Variants in PILRA observed in about 807,000 individuals in gnomAD.
PILRA encodes paired immunoglobin like type 2 receptor alpha, also known as paired immunoglobulin-like type 2 receptor alpha.
PILRA carries 37 observed loss-of-function variants against 33.1 expected under a neutral mutation model. The ratio of observed to expected loss-of-function variants is 1.12; its 90% CI spans 0.86 to 1.47. The LOEUF is 1.47. PILRA is among the 40% of genes most tolerant of loss of function. The probability of loss-of-function intolerance (pLI) is 0.00; values close to 1 mark genes in which losing one functional copy is unlikely to be tolerated. For synonymous variants in PILRA, 146 were observed against 149.9 expected, an observed-to-expected ratio of 0.97 and a Z score of 0.19; for missense variants, 312 against 376.2, an observed-to-expected ratio of 0.83 and a Z score of 1.41.
intron 2 of PILRA, among the ~76,000 whole-genome samples, chr7:100,385,733 G>C (rs777420549): frequency 6.6e-6 from 1 of 152,048 alleles, no homozygotes; most frequent in Non-Finnish European, 1.5e-5. Flanking sequence ...GGGTTCATGC[G>C]ATTCTCCTGC....
chr7:100,374,717 C>A, intron 2 of PILRA: 1 of 491,320 alleles, frequency 2.0e-6, no homozygotes, highest in Non-Finnish European at 3.7e-6. Flanking sequence ...CTCTAATTAT[C>A]CTTCATTCTT....
chr7:100,375,600 C>T (rs571281651), intron 2 of PILRA, among the ~76,000 whole-genome samples: 4 of 152,134 alleles, frequency 2.6e-5, no homozygotes, highest in African/African-American at 4.8e-5. Context: ...GGTGTGGTGG[C>T]GCATGCCTGT....
intron 4 of PILRA, among the ~76,000 whole-genome samples, chr7:100,398,975 T>C (rs1470190234): frequency 6.6e-6 from 1 of 151,754 alleles, no homozygotes; most frequent in East Asian, 1.9e-4. Context: ...AGGGTATCGC[T>C]CTGTCACCCA....
At chr7:100,374,992 T>A (rs1790913071) in intron 2 of PILRA, among the ~76,000 whole-genome samples, 1 of 151,966 alleles carries the variant, frequency 6.6e-6, no homozygotes, top group Non-Finnish European at 1.5e-5. Context: ...CACTTCCTTC[T>A]CCCCCTCTGC....
At chr7:100,388,899 CG>C (rs1210060328) in intron 2 of PILRA, among the ~76,000 whole-genome samples, 1 of 151,544 alleles carries the variant, frequency 6.6e-6, no homozygotes, top group Non-Finnish European at 1.5e-5. Context: ...TTGTTTAACA[CG>C]TGAAATGTTT....
Position 100,400,064 on chromosome 7 carries a change from T to A in PILRA, c.*157T>A. Reference sequence around the variant, plus strand: ...GCGAGATGCCATCTCTAGTTAAAAATATATATTAACAATAAAGTAACAAAT... The same window carrying A: ...GCGAGATGCCATCTCTAGTTAAAAAAATATATTAACAATAAAGTAACAAAT... On this transcript the variant is annotated 3_prime_UTR_variant, in exon 7 of 7. Transcript: ENST00000198536. 1 of 575,772 alleles carries A rather than the reference T, an allele frequency of 1.7e-6. No individual in the cohort carries two copies. The highest frequency in any genetic ancestry group is 2.8e-6 in the Non-Finnish European group (1 of 360,242). The allele number at this position is 575,772 out of a possible 1,614,324, so 35.7% of individuals were successfully genotyped here. A position where few individuals can be genotyped will look rare whatever the true frequency, so the allele number is the denominator to read the frequency against.
intron 2 of PILRA, among the ~76,000 whole-genome samples, chr7:100,388,335 G>T (rs1791299970): frequency 1.3e-5 from 2 of 152,024 alleles, no homozygotes; most frequent in Admixed American, 6.6e-5. Context: ...CTATAAAGAA[G>T]GTGTAACTTG....
rs149490859 is a variant in PILRA at position 100,398,353 on chromosome 7, G to A, written c.707+441G>A. On this transcript the variant is annotated intron_variant, in intron 4 of 6. Coordinates refer to ENST00000198536, the MANE Select transcript of PILRA (RefSeq NM_013439.3). The stretch of plus-strand genomic sequence containing the variant: ...TCCTCTGCCTCCAGCTCCTCTCCCC[G>A]CCTGTGTTTGCTCAGGAGGGACTCA... Among the ~76,000 whole-genome samples, 826 of 152,170 alleles carry A rather than the reference G, an allele frequency of 5.4e-3. 4 individuals are homozygous for A. The highest frequency in any genetic ancestry group is 0.024 in the Middle Eastern group (7 of 294).
At chr7:100,378,267 G>A (rs535021449) in intron 2 of PILRA, among the ~76,000 whole-genome samples, 18 of 152,022 alleles carry the variant, frequency 1.2e-4, no homozygotes, top group Admixed American at 3.9e-4. Flanking sequence ...CAGGAGGATC[G>A]CTTGAGGCCA....
rs542678245 is a variant in PILRA, at chr7:100,391,381, A to T, written c.673+1275A>T. On this transcript the variant is annotated intron_variant, in intron 3 of 6. Transcript: ENST00000198536. ...TAAATATAAAAATAATTTAAAAAAA[A>T]TTTTTTATAAATGACACTTGGTTGG... Among the ~76,000 whole-genome samples the T allele has an allele frequency of 2.0e-3, 299 of 151,892 alleles. 2 individuals are homozygous for T. The highest frequency in any genetic ancestry group is 6.1e-3 in the African/African-American group (251 of 41,440).
chr7:100,383,256 A>T lies in PILRA; in HGVS notation c.455-6632A>T, dbSNP rs543890385. ...AGCAAGAGACGGGAGCCCAGAGAAG[A>T]CAGAAATGTGTAGAGAGGAACTGTG... On this transcript the variant is annotated intron_variant, in intron 2 of 6. Transcript: ENST00000198536. 9.8e-4 allele frequency among the ~76,000 whole-genome samples: 149 copies of T among 152,214 alleles called. No homozygotes were observed. The Middle Eastern group carries it at 0.01, about 10-fold the overall frequency.
At chr7:100,374,843 G>C (rs1340071276) in intron 2 of PILRA, 1 of 284,324 alleles carries the variant, frequency 3.5e-6, no homozygotes, top group Non-Finnish European at 7.0e-6. Context: ...GTCCCCGTTA[G>C]TGCCTCAGGG....
chr7:100,388,740 C>A, intron 2 of PILRA, among the ~76,000 whole-genome samples: 1 of 131,450 alleles, frequency 7.6e-6, no homozygotes, highest in African/African-American at 3.0e-5. Context: ...ACAGAGCGAG[C>A]CTCCGTCTCA....
chr7:100,390,137 G>A, intron 3 of PILRA, 31 bp downstream of exon 3: 1 of 1,583,924 alleles, frequency 6.3e-7, no homozygotes, highest in Non-Finnish European at 8.7e-7. Context: ...CTCTCCCCAA[G>A]CCTCCCATCT....
At chr7:100,381,832 C>T (rs1427467935) in intron 2 of PILRA, among the ~76,000 whole-genome samples, 3 of 152,200 alleles carry the variant, frequency 2.0e-5, no homozygotes, top group Non-Finnish European at 4.4e-5. Context: ...AGTGGCCGGC[C>T]GGCCCCGGGC....
intron 2 of PILRA, among the ~76,000 whole-genome samples, chr7:100,385,893 T>C (rs899436237): frequency 1.3e-5 from 2 of 151,420 alleles, no homozygotes; most frequent in African/African-American, 2.4e-5. Flanking sequence ...CCTCCCACAG[T>C]GCTGGGATTA....
At chr7:100,376,476 A>G (rs1201898136) in intron 2 of PILRA, 1 of 148,888 alleles carries the variant, frequency 6.7e-6, no homozygotes, top group East Asian at 2.0e-4. Context: ...AAAAAGAGAA[A>G]AAAGTGTTTT....
intron 2 of PILRA, among the ~76,000 whole-genome samples, chr7:100,384,625 T>C (rs28449214): frequency 6.6e-6 from 1 of 151,298 alleles, no homozygotes; most frequent in Non-Finnish European, 1.5e-5. Flanking sequence ...CACAAAAAAA[T>C]TTTTTTTTAA....
intron 4 of PILRA, 24 bp downstream of exon 4, chr7:100,397,936 T>G (rs1043231963): frequency 1.9e-6 from 3 of 1,612,894 alleles, no homozygotes; most frequent in Non-Finnish European, 2.5e-6. Flanking sequence ...CTCCCCAGGG[T>G]GGGTTGGGGG....
Sources: allele counts gnomAD v4.1 joint callset (sites outside exome capture counted in the v4.1 genomes callset), GRCh38; gene constraint gnomAD v4.1.1; transcripts MANE v1.5; gene names NCBI Gene and HGNC (gene_info 2026-07-23, HGNC 2026-07-21).